The following ADAMTS6 variants were observed in gnomAD, a reference collection of about 807,000 sequenced individuals.
ADAMTS6 encodes the protein ADAM metallopeptidase with thrombospondin type 1 motif 6, also known as A disintegrin and metalloproteinase with thrombospondin motifs 6.
ADAMTS6 carries 23 observed loss-of-function variants against 144.3 expected under a neutral mutation model. The observed-to-expected ratio is 0.16, with a 90% confidence interval of 0.11 to 0.23. The LOEUF (loss-of-function observed/expected upper bound fraction) is 0.23. Among genes scored for constraint, ADAMTS6 ranks in the 10% least tolerant of loss-of-function variants. The pLI, the probability that ADAMTS6 is intolerant of heterozygous loss-of-function variation, is 1.00. For missense variants in ADAMTS6, 999 were observed against 1,379.6 expected (o/e 0.72, Z 4.37); for synonymous variants, 444 against 457.5 (o/e 0.97, Z 0.38).
At chr5:65,404,261 C>A (rs951518312) in intron 7 of ADAMTS6, among the ~76,000 whole-genome samples, 5 of 151,996 alleles carry the variant, frequency 3.3e-5, no homozygotes, top group Non-Finnish European at 7.4e-5. Flanking sequence ...TCGTCATTTA[C>A]ATTAGGTATT....
chr5:65,222,000 T>C (rs982639526), intron 18 of ADAMTS6, among the ~76,000 whole-genome samples: 1 of 152,142 alleles, frequency 6.6e-6, no homozygotes, highest in African/African-American at 2.4e-5. Context: ...AATGTAGAGG[T>C]AAATCTTTTC....
chr5:65,453,068 GTC>G (rs1316560772), intron 4 of ADAMTS6, 150 bp from the exon 5 acceptor site: 4 of 553,022 alleles, frequency 7.2e-6, no homozygotes, highest in Admixed American at 7.8e-5. Context: ...TGAGAAAAAA[GTC>G]TGTAAATTTT....
intron 14 of ADAMTS6, among the ~76,000 whole-genome samples, chr5:65,249,898 T>C (rs1760001460): frequency 6.6e-6 from 1 of 152,158 alleles, no homozygotes; most frequent in African/African-American, 2.4e-5. Context: ...AGCTATCTGG[T>C]TCTCAGCTAG....
chr5:65,177,834 A>G (rs1213540553), intron 22 of ADAMTS6, among the ~76,000 whole-genome samples: 1 of 152,098 alleles, frequency 6.6e-6, no homozygotes, highest in Non-Finnish European at 1.5e-5. Context: ...TCCCCTTTCC[A>G]CTAAGGTGGT....
chr5:65,258,033 T>G (rs777336370), intron 14 of ADAMTS6, among the ~76,000 whole-genome samples: 1 of 152,218 alleles, frequency 6.6e-6, no homozygotes, highest in Non-Finnish European at 1.5e-5. Context: ...ATCATCATAA[T>G]TGAAGCTACA....
chr5:65,244,007 C>G (rs9283705), intron 14 of ADAMTS6, among the ~76,000 whole-genome samples: 1 of 152,012 alleles, frequency 6.6e-6, no homozygotes, highest in South Asian at 2.1e-4. Flanking sequence ...TAGCATATGA[C>G]AGCATGTTAC....
At chr5:65,402,540 T>C (rs1031892946) in intron 7 of ADAMTS6, among the ~76,000 whole-genome samples, 8 of 152,142 alleles carry the variant, frequency 5.3e-5, no homozygotes, top group Admixed American at 4.6e-4. Context: ...TCTCAGCTAA[T>C]GACTGCTTTC....
rs745612484 is a variant in ADAMTS6, at chr5:65,329,497, A to C, written c.1118-14T>G. On this transcript the variant is annotated splice_polypyrimidine_tract_variant and intron_variant, in intron 8 of 24. Coordinates refer to ENST00000381055, the MANE Select transcript of ADAMTS6 (RefSeq NM_197941.4). ...CAGAGGCCAAGCCTGAATAAACAGAAAGAGACACAAAGGGTCAAGCCAAGG... is the reference window on the plus strand; with the variant it reads ...CAGAGGCCAAGCCTGAATAAACAGACAGAGACACAAAGGGTCAAGCCAAGG... 2.5e-6 allele frequency: 4 copies of C among 1,599,378 alleles called. No homozygotes were observed. Among genetic ancestry groups the C allele is most frequent in the Non-Finnish European group, 3.4e-6 (4 of 1,173,876 alleles).
chr5:65,294,051 C>T (rs1742590282), intron 10 of ADAMTS6, among the ~76,000 whole-genome samples: 1 of 152,136 alleles, frequency 6.6e-6, no homozygotes, highest in African/African-American at 2.4e-5. Context: ...CAAGTGTCTT[C>T]CAGTAAAGCA....
At chr5:65,305,225 A>T (rs1024392021) in intron 9 of ADAMTS6, among the ~76,000 whole-genome samples, 1 of 152,210 alleles carries the variant, frequency 6.6e-6, no homozygotes, top group Non-Finnish European at 1.5e-5. Context: ...ACACATGGTT[A>T]ATCTTTCTAC....
At chr5:65,312,044 T>C (rs1474106570) in intron 9 of ADAMTS6, among the ~76,000 whole-genome samples, 1 of 152,062 alleles carries the variant, frequency 6.6e-6, no homozygotes, top group Non-Finnish European at 1.5e-5. Flanking sequence ...ATAGAACATG[T>C]ACTTTTAAAG....
At chr5:65,167,236 C>G (rs1753228122) in intron 24 of ADAMTS6, among the ~76,000 whole-genome samples, 1 of 151,236 alleles carries the variant, frequency 6.6e-6, no homozygotes. Flanking sequence ...AAACTACCAT[C>G]AGAGAATACT....
chr5:65,365,138 A>G (rs374982450), intron 7 of ADAMTS6, among the ~76,000 whole-genome samples: 145 of 152,230 alleles, frequency 9.5e-4, no homozygotes, highest in African/African-American at 3.4e-3. Context: ...CAGAAAGACC[A>G]CTGCAATCAG....
intron 9 of ADAMTS6, among the ~76,000 whole-genome samples, chr5:65,322,865 G>GT (rs1745761447): frequency 6.6e-6 from 1 of 152,012 alleles, no homozygotes; most frequent in Non-Finnish European, 1.5e-5. Context: ...TTCGAATGCC[G>GT]TTTATTTCTT....
intron 11 of ADAMTS6, among the ~76,000 whole-genome samples, chr5:65,281,691 T>A (rs1164622555): frequency 8.5e-5 from 13 of 152,090 alleles, no homozygotes. Flanking sequence ...ATATTAACAA[T>A]AATTTAAAAT....
At chr5:65,297,006 C>A in intron 10 of ADAMTS6, 1 of 283,064 alleles carries the variant, frequency 3.5e-6, no homozygotes. Context: ...TAAATTGGTC[C>A]ATAGTCATCA....
At chr5:65,206,346 G>A (rs1052038471) in intron 20 of ADAMTS6, among the ~76,000 whole-genome samples, 6 of 152,120 alleles carry the variant, frequency 3.9e-5, no homozygotes, top group South Asian at 4.1e-4. Context: ...TTTGAAAAAC[G>A]TGGTCCCACA....
intron 1 of ADAMTS6, among the ~76,000 whole-genome samples, chr5:65,479,743 G>A (rs1481115500): frequency 6.6e-6 from 1 of 152,204 alleles, no homozygotes; most frequent in Non-Finnish European, 1.5e-5. Context: ...AGTGCTAAGA[G>A]TAGACAAGAG....
At chr5:65,434,764 T>C (rs1049687695) in intron 7 of ADAMTS6, among the ~76,000 whole-genome samples, 5 of 152,328 alleles carry the variant, frequency 3.3e-5, no homozygotes, top group Admixed American at 3.3e-4. Flanking sequence ...TGGGACAAAC[T>C]GGAACTCTTC....
Sources: gnomAD v4.1 joint callset for allele counts (sites outside exome capture counted in the v4.1 genomes callset) on GRCh38, gnomAD v4.1.1 for gene constraint, MANE v1.5 for transcripts, NCBI Gene and HGNC (gene_info 2026-07-23, HGNC 2026-07-21) for gene names.